The following CCDC7 variants were observed in gnomAD, a reference collection of about 807,000 sequenced individuals.
CCDC7 encodes the protein coiled-coil domain containing 7, also known as coiled-coil domain-containing protein 7.
A neutral mutation model predicts 196.9 loss-of-function variants in CCDC7; 183 were observed. The observed-to-expected ratio is 0.93, with a 90% CI of 0.82 to 1.05. CCDC7 has a LOEUF of 1.05. Ranked by LOEUF, CCDC7 falls within the 50% of genes least tolerant of loss-of-function variation. The pLI, the probability that CCDC7 is intolerant of heterozygous loss-of-function variation, is 0.00. For missense variants in CCDC7, 1,540 were observed against 1,482.2 expected (o/e 1.04, Z -0.64); for synonymous variants, 525 against 484.6 (o/e 1.08, Z -1.10).
At chr10:32,732,607 C>T (rs1010279051) in intron 28 of CCDC7, among the ~76,000 whole-genome samples, 9 of 152,046 alleles carry the variant, frequency 5.9e-5, no homozygotes, top group Admixed American at 4.6e-4. Context: ...TATACATACA[C>T]ATTTTAAATT....
chr10:32,549,645 T>A (rs1384704680), intron 13 of CCDC7, among the ~76,000 whole-genome samples: 1 of 152,216 alleles, frequency 6.6e-6, no homozygotes, highest in Non-Finnish European at 1.5e-5. Flanking sequence ...TAGCCAATTA[T>A]CCCAGCACCA....
intron 18 of CCDC7, among the ~76,000 whole-genome samples, chr10:32,602,002 A>T (rs1166644856): frequency 2.0e-5 from 3 of 152,170 alleles, no homozygotes; most frequent in Non-Finnish European, 4.4e-5. Context: ...CGGCAACCTG[A>T]TCGGGTCCCC....
At chr10:32,585,726 A>G (rs1224480156) in intron 18 of CCDC7, among the ~76,000 whole-genome samples, 3 of 152,188 alleles carry the variant, frequency 2.0e-5, no homozygotes, top group Non-Finnish European at 4.4e-5. Flanking sequence ...ATGGCTGCAT[A>G]GTATTCCACG....
intron 40 of CCDC7, among the ~76,000 whole-genome samples, chr10:32,853,676 A>G (rs113940658): frequency 0.01 from 1,569 of 152,270 alleles, 15 homozygotes; most frequent in Non-Finnish European, 0.018. Context: ...TTGCATTTCT[A>G]GTATCTCCTC....
At position 32,597,331 on chromosome 10, in the gene CCDC7, A is replaced by G. The variant is rs556913303; in HGVS notation, c.1801+13027A>G. Among the ~76,000 whole-genome samples, 65 of 152,306 alleles carry G rather than the reference A, an allele frequency of 4.3e-4. 1 individual carries two copies. Among genetic ancestry groups the G allele is most frequent in the African/African-American group, 1.4e-3 (59 of 41,562 alleles). On this transcript the variant is annotated intron_variant, in intron 18 of 41. Coordinates refer to ENST00000639629, the Ensembl canonical transcript of CCDC7. ...TCAAATCGGCTACTGAAGTTTGTGCATGTGTCATGCAGTTCTCGTGCCATG... is the reference window on the plus strand; with the variant it reads ...TCAAATCGGCTACTGAAGTTTGTGCGTGTGTCATGCAGTTCTCGTGCCATG...
intron 28 of CCDC7, among the ~76,000 whole-genome samples, chr10:32,765,337 ATGGTCCAC>A (rs1324108105): frequency 3.3e-5 from 5 of 151,984 alleles, no homozygotes; most frequent in Non-Finnish European, 7.4e-5. Flanking sequence ...AAATGTCATG[ATGGTCCAC>A]TGGAAAGGAA....
chr10:32,831,256 G>A (rs923543948), intron 32 of CCDC7, among the ~76,000 whole-genome samples: 32 of 152,292 alleles, frequency 2.1e-4, no homozygotes, highest in Admixed American at 1.4e-3. Context: ...GTACACCTGT[G>A]TAGAGCACTT....
At chr10:32,843,208 A>G (rs1272097053) in intron 33 of CCDC7, among the ~76,000 whole-genome samples, 2 of 152,000 alleles carry the variant, frequency 1.3e-5, no homozygotes, top group Non-Finnish European at 2.9e-5. Context: ...GTAAACACTA[A>G]AAATATGTAC....
In CCDC7 at chr10:32,577,175, A is replaced by C. The variant is rs1049406349; in HGVS notation, c.1454+5282A>C. Among the ~76,000 whole-genome samples, 4 of 152,136 alleles carry C rather than the reference A, an allele frequency of 2.6e-5. No individual in the cohort carries two copies. In the East Asian group the frequency reaches 5.8e-4, roughly 22 times the overall value. On this transcript the variant is annotated intron_variant, in intron 16 of 41. Transcript: ENST00000639629. Reference sequence around the variant, plus strand: ...TCAAGAGTTCAAGACCAGCCTGGCCAATATGGTGAAACCCCATCTCTACTA... The same window carrying C: ...TCAAGAGTTCAAGACCAGCCTGGCCCATATGGTGAAACCCCATCTCTACTA...
intron 28 of CCDC7, among the ~76,000 whole-genome samples, chr10:32,763,288 G>A (rs979677680): frequency 2.6e-5 from 4 of 151,808 alleles, no homozygotes; most frequent in African/African-American, 9.7e-5. Context: ...AATCATCAGG[G>A]AAATCCAAAT....
chr10:32,817,176 A>G (rs1246540932), intron 31 of CCDC7, among the ~76,000 whole-genome samples: 1 of 152,226 alleles, frequency 6.6e-6, no homozygotes, highest in African/African-American at 2.4e-5. Context: ...TGGCACGAGA[A>G]GTACGCGACG....
intron 21 of CCDC7, among the ~76,000 whole-genome samples, chr10:32,672,335 C>T (rs1348905169): frequency 6.6e-6 from 1 of 152,186 alleles, no homozygotes; most frequent in Non-Finnish European, 1.5e-5. Flanking sequence ...AGCATGGGCA[C>T]ACACAGTGAA....
chr10:32,720,988 G>A (rs763921764), intron 25 of CCDC7, among the ~76,000 whole-genome samples: 2 of 152,084 alleles, frequency 1.3e-5, no homozygotes, highest in South Asian at 2.1e-4. Context: ...AGCTACTTGC[G>A]GGTGCTGAAA....
chr10:32,567,350 C>G lies in CCDC7; in HGVS notation c.1198-320C>G, dbSNP rs958013760. Reference sequence around the variant, plus strand: ...GCTAATTATCCTTCTTATAGTCTATCAATTTTTATAATGTATACCTTATAT... The same window carrying G: ...GCTAATTATCCTTCTTATAGTCTATGAATTTTTATAATGTATACCTTATAT... On this transcript the variant is annotated intron_variant, in intron 14 of 41. Coordinates refer to ENST00000639629, the Ensembl canonical transcript of CCDC7. Among the ~76,000 whole-genome samples the G allele has an allele frequency of 7.2e-5, 11 of 151,726 alleles. No individual in the cohort carries two copies. In the East Asian group the frequency reaches 1.9e-3, roughly 27 times the overall value.
intron 20 of CCDC7, among the ~76,000 whole-genome samples, chr10:32,661,662 A>G (rs376813454): frequency 4.6e-5 from 7 of 152,134 alleles, no homozygotes; most frequent in African/African-American, 1.4e-4. Flanking sequence ...GGATGTGTCT[A>G]GAAGTGTCAT....
At chr10:32,786,887 AAAAT>A (rs1239905261) in intron 29 of CCDC7, among the ~76,000 whole-genome samples, 1 of 152,252 alleles carries the variant, frequency 6.6e-6, no homozygotes, top group Non-Finnish European at 1.5e-5. Context: ...AAGATGATAA[AAAAT>A]AAACAATATC....
intron 41 of CCDC7, among the ~76,000 whole-genome samples, chr10:32,857,481 GA>G (rs2136386557): frequency 6.6e-6 from 1 of 152,196 alleles, no homozygotes; most frequent in East Asian, 1.9e-4. Flanking sequence ...AAGGAATCTT[GA>G]AAATGTACAA....
intron 31 of CCDC7, among the ~76,000 whole-genome samples, chr10:32,817,575 G>A (rs936256139): frequency 6.6e-5 from 10 of 152,164 alleles, no homozygotes; most frequent in African/African-American, 9.7e-5. Flanking sequence ...AAATGTTAAG[G>A]GCAGCCAGAG....
chr10:32,584,471 C>T (rs1211260267), intron 18 of CCDC7, among the ~76,000 whole-genome samples, 167 bp downstream of exon 19: 4 of 151,588 alleles, frequency 2.6e-5, no homozygotes, highest in Admixed American at 6.6e-5. Context: ...AAAATTATCT[C>T]GGTGGGCCAG....
Sources: gnomAD v4.1 joint callset for allele counts (sites outside exome capture counted in the v4.1 genomes callset) on GRCh38, gnomAD v4.1.1 for gene constraint, MANE v1.5 for transcripts, NCBI Gene and HGNC (gene_info 2026-07-23, HGNC 2026-07-21) for gene names.